FOXP1: variants seen among roughly 807,000 people sequenced by gnomAD.
FOXP1 encodes forkhead box P1, also known as forkhead box protein P1.
Under a neutral mutation model 98.2 loss-of-function variants are expected in FOXP1, and 15 were observed. That is an observed-to-expected ratio of 0.15 (90% CI 0.10 to 0.24). The LOEUF is 0.24. FOXP1 is among the 10% of genes least tolerant of loss of function. FOXP1 has a pLI of 1.00. For missense variants in FOXP1, 633 were observed against 848.5 expected (o/e 0.75, Z 3.15); for synonymous variants, 371 against 314.5 (o/e 1.18, Z -1.90).
chr3:71,292,881 T>C (rs1246747151), intron 5 of FOXP1, among the ~76,000 whole-genome samples: 1 of 152,170 alleles, frequency 6.6e-6, no homozygotes, highest in Admixed American at 6.6e-5. Context: ...CATCTTCATT[T>C]CAAATTCACA....
chr3:71,039,657 A>G (rs1213289733), intron 11 of FOXP1, among the ~76,000 whole-genome samples: 1 of 152,094 alleles, frequency 6.6e-6, no homozygotes, highest in Non-Finnish European at 1.5e-5. Flanking sequence ...ATCGCTCTGC[A>G]GCAAATGGAC....
chr3:71,238,370 C>G (rs192453599), intron 5 of FOXP1, among the ~76,000 whole-genome samples: 252 of 152,290 alleles, frequency 1.7e-3, no homozygotes, highest in Non-Finnish European at 3.1e-3. Flanking sequence ...AGGCTGCTAC[C>G]TGGAACACTA....
intron 3 of FOXP1, among the ~76,000 whole-genome samples, chr3:71,434,709 G>A (rs913769798): frequency 6.6e-6 from 1 of 151,090 alleles, no homozygotes. Context: ...CTTAAATGGT[G>A]TAGAGTAGAG....
At position 70,954,873 on chromosome 3, in the gene FOXP1, TCAAAA is replaced by T. The variant is rs57959417; in HGVS notation, c.*4369_*4373del. ...AGGAATGAGTTTCTTTTATGCCTTA[TCAAAA>T]CAAAACAAAACAAAACAAAAAAATT... On this transcript the variant is annotated 3_prime_UTR_variant, in exon 21 of 21. Coordinates refer to ENST00000649528, the MANE Select transcript of FOXP1 (RefSeq NM_001349338.3). The T allele has an allele frequency of 4.0e-3, 927 of 232,548 alleles. 24 individuals carry two copies. Among genetic ancestry groups the T allele is most frequent in the East Asian group, 0.036 (589 of 16,492 alleles). The allele number at this position is 232,548 out of a possible 1,614,324, so 14.4% of individuals were successfully genotyped here.
intron 2 of FOXP1, among the ~76,000 whole-genome samples, chr3:71,529,929 G>A (rs1241198683): frequency 6.6e-6 from 1 of 152,192 alleles, no homozygotes; most frequent in Non-Finnish European, 1.5e-5. Context: ...CCAAGGAGGG[G>A]TCAAGGAAAC....
chr3:70,975,265 T>G (rs1212758739), intron 17 of FOXP1, among the ~76,000 whole-genome samples: 3 of 152,254 alleles, frequency 2.0e-5, no homozygotes, highest in Admixed American at 1.3e-4. Context: ...ATGCTTCGAC[T>G]TCCTAAATTT....
intron 3 of FOXP1, among the ~76,000 whole-genome samples, chr3:71,399,918 T>C (rs949570574): frequency 3.3e-5 from 5 of 152,208 alleles, no homozygotes; most frequent in Non-Finnish European, 5.9e-5. Context: ...AGCAAATGCC[T>C]AGTATGTTCC....
At chr3:70,969,777 C>T (rs1198266947) in intron 19 of FOXP1, 1 of 152,150 alleles carries the variant, frequency 6.6e-6, no homozygotes, top group Non-Finnish European at 1.5e-5. Flanking sequence ...GTGATACAGC[C>T]CCCATTGAGA....
At chr3:71,362,509 G>C (rs1249332923) in intron 3 of FOXP1, among the ~76,000 whole-genome samples, 3 of 152,118 alleles carry the variant, frequency 2.0e-5, no homozygotes, top group Non-Finnish European at 4.4e-5. Context: ...TCACTCTGTT[G>C]CTCAGGCTGC....
intron 4 of FOXP1, among the ~76,000 whole-genome samples, chr3:71,331,126 G>C (rs2076266978): frequency 6.6e-6 from 1 of 152,048 alleles, no homozygotes; most frequent in South Asian, 2.1e-4. Flanking sequence ...TTGTGGGGAG[G>C]TGTGGAGAGA....
intron 4 of FOXP1, among the ~76,000 whole-genome samples, chr3:71,312,514 T>C (rs1486138786): frequency 6.6e-6 from 1 of 152,170 alleles, no homozygotes; most frequent in Admixed American, 6.5e-5. Context: ...CTTCTGCTAT[T>C]TGAAATTACT....
chr3:71,121,379 A>AGG (rs753628790), intron 6 of FOXP1, among the ~76,000 whole-genome samples: 14 of 145,364 alleles, frequency 9.6e-5, no homozygotes, highest in African/African-American at 3.1e-4. Flanking sequence ...GAAAAAAAAA[A>AGG]GGGGGGGGGG....
chr3:71,077,702 C>T (rs758366791), intron 7 of FOXP1, among the ~76,000 whole-genome samples: 6 of 152,178 alleles, frequency 3.9e-5, no homozygotes, highest in Non-Finnish European at 5.9e-5. Context: ...ACATACCACT[C>T]GTCAACAAAG....
At chr3:70,959,628 G>A (rs1247654040) in intron 20 of FOXP1, among the ~76,000 whole-genome samples, 4 of 152,210 alleles carry the variant, frequency 2.6e-5, no homozygotes, top group Non-Finnish European at 5.9e-5. Context: ...CATGTGACTA[G>A]CGGTTAATTC....
chr3:71,146,307 A>G (rs2060303987), intron 6 of FOXP1, among the ~76,000 whole-genome samples: 1 of 152,190 alleles, frequency 6.6e-6, no homozygotes, highest in African/African-American at 2.4e-5. Context: ...ATTAATTTCA[A>G]TGCCCAAACA....
At chr3:70,969,931 G>GGACTT (rs1183542612) in intron 19 of FOXP1, 1 of 152,220 alleles carries the variant, frequency 6.6e-6, no homozygotes, top group Non-Finnish European at 1.5e-5. Flanking sequence ...TCTTGAGGGG[G>GGACTT]GACTTGAGTA....
intron 6 of FOXP1, among the ~76,000 whole-genome samples, chr3:71,168,578 A>G (rs2061495402): frequency 6.6e-6 from 1 of 152,262 alleles, no homozygotes; most frequent in Non-Finnish European, 1.5e-5. Flanking sequence ...GCAAACAAAA[A>G]CAAAATAACA....
In FOXP1 at chr3:70,958,846, G is replaced by C. The variant is rs2032509007; in HGVS notation, c.*401C>G. Reference sequence around the variant, plus strand: ...TGGAATCCTTAAATTCTGGGCAAAGGCTTGGTCTGCAGCTTAGGTGCACAA... The same window carrying C: ...TGGAATCCTTAAATTCTGGGCAAAGCCTTGGTCTGCAGCTTAGGTGCACAA... On this transcript the variant is annotated 3_prime_UTR_variant, in exon 21 of 21. Coordinates refer to ENST00000649528, the MANE Select transcript of FOXP1 (RefSeq NM_001349338.3). 5.3e-6 allele frequency: 2 copies of C among 379,710 alleles called. No individual in the cohort carries two copies. The highest frequency in any genetic ancestry group is 9.8e-6 in the Non-Finnish European group (2 of 204,806). 23.5% of individuals were successfully genotyped at this position (379,710 alleles called of 1,614,324 possible).
intron 3 of FOXP1, among the ~76,000 whole-genome samples, chr3:71,427,555 C>A (rs2108363310): frequency 6.6e-6 from 1 of 152,352 alleles, no homozygotes; most frequent in South Asian, 2.1e-4. Flanking sequence ...TGAACAAACA[C>A]ACGTGATATG....
Sources: allele counts gnomAD v4.1 joint callset (sites outside exome capture counted in the v4.1 genomes callset), GRCh38; gene constraint gnomAD v4.1.1; transcripts MANE v1.5; gene names NCBI Gene and HGNC (gene_info 2026-07-23, HGNC 2026-07-21).